DCAF5: variants seen among roughly 807,000 people sequenced by gnomAD.
DCAF5 encodes the protein DDB1 and CUL4 associated factor 5, also known as DDB1- and CUL4-associated factor 5.
DCAF5 carries 9 observed loss-of-function variants against 80.7 expected under a neutral mutation model. The observed-to-expected ratio is 0.11, with a 90% CI of 0.07 to 0.19. The LOEUF (loss-of-function observed/expected upper bound fraction) is 0.19. DCAF5 is among the 10% of genes least tolerant of loss of function. DCAF5 has a pLI of 1.00. For missense variants in DCAF5, 842 were observed against 1,205.7 expected (o/e 0.70, Z 4.47); for synonymous variants, 433 against 461.9 (o/e 0.94, Z 0.80).
chr14:69,077,365 CTTAT>C (rs71953676), intron 6 of DCAF5, among the ~76,000 whole-genome samples: 6,781 of 143,956 alleles, frequency 0.047, 211 homozygotes, highest in South Asian at 0.078. Context: ...CGACATGTAG[CTTAT>C]TTATTTATTT....
chr14:69,122,189 G>A (rs201834044), intron 2 of DCAF5, 28 bp downstream of exon 2: 216 of 1,598,576 alleles, frequency 1.4e-4, no homozygotes, highest in Middle Eastern at 3.3e-4. Flanking sequence ...CCACAGTGAC[G>A]TTCCCAAGGT....
At chr14:69,103,424 T>C (rs959591542) in intron 5 of DCAF5, among the ~76,000 whole-genome samples, 1 of 152,234 alleles carries the variant, frequency 6.6e-6, no homozygotes, top group Admixed American at 6.5e-5. Flanking sequence ...GTTACTTGTA[T>C]TTCTTTTTCT....
At position 69,054,781 on chromosome 14, in the gene DCAF5, C is replaced by G; in HGVS notation, c.1905G>C (p.Arg635=). The G allele has an allele frequency of 6.2e-7, 1 of 1,614,232 alleles. No individual in the cohort carries two copies. The highest frequency in any genetic ancestry group is 8.5e-7 in the Non-Finnish European group (1 of 1,180,044). Reference sequence around the variant, plus strand: ...GTTGAATCTCTAGCGTGGAAGTGCTCCGCTCAGGGGACGAGGTTGGGGAGG... The same window carrying G: ...GTTGAATCTCTAGCGTGGAAGTGCTGCGCTCAGGGGACGAGGTTGGGGAGG... ...LSSSPTSSPE[R]STSTLEIQPS... is the part of the protein sequence containing the mutation. Residue 635 remains arginine (R), a synonymous_variant, in exon 9 of 9, where the codon CGG becomes CGC. Coordinates refer to ENST00000341516, the MANE Select transcript of DCAF5 (RefSeq NM_003861.3).
chr14:69,085,137 A>C (rs1205890704), intron 6 of DCAF5: 2 of 769,578 alleles, frequency 2.6e-6, no homozygotes, highest in Non-Finnish European at 4.8e-6. Flanking sequence ...TAAATCATAC[A>C]TACAAACCTA....
At chr14:69,140,824 G>A (rs1034100779) in intron 1 of DCAF5, among the ~76,000 whole-genome samples, 9 of 152,004 alleles carry the variant, frequency 5.9e-5, no homozygotes, top group African/African-American at 2.2e-4. Flanking sequence ...TACCTTAAAA[G>A]TGGCAGCGGA....
Position 69,082,462 on chromosome 14 carries a change from T to A in DCAF5, c.880-7051A>T, listed in dbSNP as rs550592437. Among the ~76,000 whole-genome samples, 6 of 25,180 alleles carry A rather than the reference T, an allele frequency of 2.4e-4. No individual in the cohort carries two copies. In the South Asian group the frequency reaches 7.7e-3, roughly 32 times the overall value. 16.5% of individuals were successfully genotyped at this position (25,180 alleles called of 152,430 possible). On this transcript the variant is annotated intron_variant, in intron 6 of 8. Coordinates refer to ENST00000341516, the MANE Select transcript of DCAF5 (RefSeq NM_003861.3). ...CTTTATGGGTTCTGTGTAGAAAAAA[T>A]TCTATTAAGGAATATTCCATAAAGG...
intron 2 of DCAF5, among the ~76,000 whole-genome samples, chr14:69,120,110 A>T (rs2040669764): frequency 6.6e-6 from 1 of 151,996 alleles, no homozygotes; most frequent in South Asian, 2.1e-4. Context: ...TCGAGACAGG[A>T]TCCTGCTCTG....
intron 6 of DCAF5, among the ~76,000 whole-genome samples, chr14:69,088,560 G>T (rs2039424593): frequency 1.3e-5 from 2 of 152,104 alleles, no homozygotes; most frequent in African/African-American, 4.8e-5. Context: ...AGAATATCTG[G>T]GTCCATCTGT....
At chr14:69,088,575 AC>A (rs2039425020) in intron 6 of DCAF5, among the ~76,000 whole-genome samples, 2 of 152,226 alleles carry the variant, frequency 1.3e-5, no homozygotes, top group Admixed American at 1.3e-4. Flanking sequence ...ATCTGTATGG[AC>A]TGAATAATCT....
At chr14:69,066,300 A>G (rs1278739835) in intron 7 of DCAF5, among the ~76,000 whole-genome samples, 4 of 151,920 alleles carry the variant, frequency 2.6e-5, no homozygotes, top group Admixed American at 2.6e-4. Context: ...ACGCCCAGCT[A>G]ATTTTTTTGT....
intron 3 of DCAF5, 166 bp downstream of exon 3, chr14:69,119,028 A>C: frequency 1.6e-6 from 1 of 641,126 alleles, no homozygotes; most frequent in Non-Finnish European, 2.5e-6. Context: ...TTTTAAATCA[A>C]AACTTTATTT....
intron 5 of DCAF5, among the ~76,000 whole-genome samples, chr14:69,113,426 C>T (rs1212904076): frequency 6.6e-6 from 1 of 152,106 alleles, no homozygotes; most frequent in Non-Finnish European, 1.5e-5. Flanking sequence ...AAACTTTCTA[C>T]CATCCCTAGA....
intron 5 of DCAF5, among the ~76,000 whole-genome samples, chr14:69,116,011 C>T (rs2040533774): frequency 6.6e-6 from 1 of 152,110 alleles, no homozygotes; most frequent in Non-Finnish European, 1.5e-5. Context: ...CCACCTCCAC[C>T]TCCTCCCCTC....
At chr14:69,127,757 T>A (rs779830586) in intron 1 of DCAF5, among the ~76,000 whole-genome samples, 10 of 152,180 alleles carry the variant, frequency 6.6e-5, no homozygotes, top group Non-Finnish European at 1.3e-4. Flanking sequence ...AAGGGGTACA[T>A]GGAAAACCTC....
intron 7 of DCAF5, among the ~76,000 whole-genome samples, chr14:69,066,947 A>G (rs991412821): frequency 7.9e-5 from 12 of 152,220 alleles, no homozygotes; most frequent in Non-Finnish European, 5.9e-5. Context: ...TGTGGTCAAG[A>G]TTTCTTGATG....
At chr14:69,112,594 TACACAC>T (rs3044674) in intron 5 of DCAF5, among the ~76,000 whole-genome samples, 182 of 145,090 alleles carry the variant, frequency 1.3e-3, no homozygotes, top group Middle Eastern at 6.9e-3. Context: ...TATATATGTA[TACACAC>T]ACACACACAC....
intron 2 of DCAF5, among the ~76,000 whole-genome samples, chr14:69,120,410 C>A (rs1478054443): frequency 6.6e-6 from 1 of 152,040 alleles, no homozygotes; most frequent in African/African-American, 2.4e-5. Context: ...GCCTCATCAT[C>A]TTTTATAGCA....
At chr14:69,124,234 A>G (rs1264345369) in intron 1 of DCAF5, among the ~76,000 whole-genome samples, 1 of 152,144 alleles carries the variant, frequency 6.6e-6, no homozygotes, top group East Asian at 1.9e-4. Context: ...TCCATCAATG[A>G]CCATTTGGGT....
At chr14:69,092,922 C>T (rs539058400) in intron 5 of DCAF5, among the ~76,000 whole-genome samples, 1 of 152,266 alleles carries the variant, frequency 6.6e-6, no homozygotes, top group South Asian at 2.1e-4. Flanking sequence ...TGTTCTGGTT[C>T]ACCTAATATT....
Sources: allele counts gnomAD v4.1 joint callset (sites outside exome capture counted in the v4.1 genomes callset), GRCh38; gene constraint gnomAD v4.1.1; transcripts MANE v1.5; gene names NCBI Gene and HGNC (gene_info 2026-07-23, HGNC 2026-07-21).